RBFOX1: variants seen among roughly 807,000 people sequenced by gnomAD.
The protein encoded by RBFOX1 is RNA binding fox-1 homolog 1.
A neutral mutation model predicts 57.7 loss-of-function variants in RBFOX1; 8 were observed. The ratio of observed to expected loss-of-function variants is 0.14; its 90% CI spans 0.08 to 0.25. RBFOX1 has a LOEUF of 0.25. Among genes scored for constraint, RBFOX1 ranks in the 10% least tolerant of loss-of-function variants. RBFOX1 has a pLI of 1.00. For synonymous variants in RBFOX1, 326 were observed against 222.4 expected, an observed-to-expected ratio of 1.47 and a Z score of -4.15; for missense variants, 611 against 548.5, an observed-to-expected ratio of 1.11 and a Z score of -1.14.
intron 3 of RBFOX1, among the ~76,000 whole-genome samples, chr16:5,663,859 G>C (rs2049743204): frequency 6.6e-6 from 1 of 152,170 alleles, no homozygotes; most frequent in South Asian, 2.1e-4. Context: ...TAAAGTTGGT[G>C]GCTGAAGCTT....
chr16:5,377,302 G>C (rs1295359451), intron 1 of RBFOX1, among the ~76,000 whole-genome samples: 1 of 151,526 alleles, frequency 6.6e-6, no homozygotes, highest in African/African-American at 2.5e-5. Context: ...CGGAGGGGTA[G>C]AGGGAGGAAT....
intron 4 of RBFOX1, among the ~76,000 whole-genome samples, chr16:7,363,757 T>C (rs944443815): frequency 6.6e-6 from 1 of 152,152 alleles, no homozygotes; most frequent in Non-Finnish European, 1.5e-5. Context: ...ATGATTCTTC[T>C]ATAGACGTTT....
In RBFOX1 at chr16:5,338,331, T is replaced by A. The variant is rs927610528; in HGVS notation, c.219+98226T>A. Among the ~76,000 whole-genome samples, 9 of 152,154 alleles carry A rather than the reference T, an allele frequency of 5.9e-5. No individual in the cohort carries two copies. In the South Asian group the frequency reaches 1.9e-3, roughly 31 times the overall value. The stretch of plus-strand genomic sequence containing the variant: ...GATTCTCTCTCCTGGGACTTTATAA[T>A]TGGGAAGTAGAGATGCTTGTTAATC... On this transcript the variant is annotated intron_variant, in intron 1 of 2. Coordinates refer to the RBFOX1 transcript ENST00000585867.
intron 3 of RBFOX1, among the ~76,000 whole-genome samples, chr16:6,726,123 C>G (rs2067112248): frequency 6.6e-6 from 1 of 152,068 alleles, no homozygotes; most frequent in South Asian, 2.1e-4. Flanking sequence ...TACACAGAGC[C>G]AGGAGGGGGC....
chr16:7,319,517 A>G (rs896214795), intron 4 of RBFOX1, among the ~76,000 whole-genome samples: 3 of 152,162 alleles, frequency 2.0e-5, no homozygotes, highest in Non-Finnish European at 1.5e-5. Flanking sequence ...TGGAGACTGT[A>G]CAATCTGTTT....
intron 1 of RBFOX1, among the ~76,000 whole-genome samples, chr16:5,264,368 C>G (rs1019584850): frequency 6.6e-6 from 1 of 152,106 alleles, no homozygotes; most frequent in African/African-American, 2.4e-5. Context: ...AGACTGTGCT[C>G]TGTTCTTGGG....
intron 1 of RBFOX1, among the ~76,000 whole-genome samples, chr16:5,339,577 G>C (rs1418445547): frequency 7.1e-6 from 1 of 140,406 alleles, no homozygotes; most frequent in East Asian, 2.2e-4. Context: ...TCAACTCTCG[G>C]GTTCAGGTGA....
chr16:5,274,752 C>G (rs1243333983), intron 1 of RBFOX1, among the ~76,000 whole-genome samples: 2 of 152,298 alleles, frequency 1.3e-5, no homozygotes, highest in South Asian at 4.1e-4. Context: ...TGCATAGGCA[C>G]CAGGCTTTTT....
chr16:6,963,105 G>A (rs996180730), intron 3 of RBFOX1, among the ~76,000 whole-genome samples: 20 of 152,096 alleles, frequency 1.3e-4, no homozygotes, highest in Admixed American at 1.0e-3. Flanking sequence ...TACTGAGGAA[G>A]TCCGAGATTC....
At chr16:6,297,970 T>C (rs1416016928) in intron 1 of RBFOX1, among the ~76,000 whole-genome samples, 1 of 152,218 alleles carries the variant, frequency 6.6e-6, no homozygotes, top group Non-Finnish European at 1.5e-5. Context: ...ATTCTGTGTG[T>C]GACCCAGTTC....
At chr16:5,489,264 C>T (rs1241935077) in intron 2 of RBFOX1, among the ~76,000 whole-genome samples, 10 of 152,192 alleles carry the variant, frequency 6.6e-5, no homozygotes, top group African/African-American at 2.2e-4. Context: ...CCTGTGCTTA[C>T]ACATGAAGGG....
rs1437886465 is a variant in RBFOX1, at chr16:6,546,430, C to G, written c.-63-108173C>G. ...CCCAAAGTCAGGGTGTCAGCTGGGTCATGCTCCCTCTGAAACCTGTAAGGG... is the reference window on the plus strand; with the variant it reads ...CCCAAAGTCAGGGTGTCAGCTGGGTGATGCTCCCTCTGAAACCTGTAAGGG... On this transcript the variant is annotated intron_variant, in intron 2 of 15. Coordinates refer to ENST00000550418, the MANE Select transcript of RBFOX1 (RefSeq NM_018723.4). Among the ~76,000 whole-genome samples the G allele has an allele frequency of 2.6e-5, 4 of 152,206 alleles. No homozygotes were observed. In the East Asian group the frequency reaches 7.7e-4, roughly 29 times the overall value.
At chr16:7,371,292 C>CT (rs1042490155) in intron 4 of RBFOX1, among the ~76,000 whole-genome samples, 40 of 152,064 alleles carry the variant, frequency 2.6e-4, no homozygotes, top group Admixed American at 1.6e-3. Flanking sequence ...AACCAGTAAA[C>CT]TTTTTTTTCT....
chr16:7,160,589 C>T (rs555802265), intron 4 of RBFOX1, among the ~76,000 whole-genome samples: 2 of 152,068 alleles, frequency 1.3e-5, no homozygotes, highest in Admixed American at 6.5e-5. Context: ...GCTGAAAAGT[C>T]GTAATACAAA....
chr16:6,825,002 T>G (rs2091932599), intron 3 of RBFOX1, among the ~76,000 whole-genome samples: 1 of 118,250 alleles, frequency 8.5e-6, no homozygotes, highest in South Asian at 3.0e-4. Context: ...TTTTTTTTTT[T>G]TTTTTTTTTT....
At chr16:5,846,499 A>T (rs781237970) in intron 3 of RBFOX1, among the ~76,000 whole-genome samples, 13 of 152,150 alleles carry the variant, frequency 8.5e-5, no homozygotes, top group African/African-American at 1.2e-4. Context: ...CAACCCCCCA[A>T]GGAGGAAGAT....
intron 14 of RBFOX1, among the ~76,000 whole-genome samples, chr16:7,702,102 C>G (rs905105970): frequency 2.6e-5 from 4 of 152,112 alleles, no homozygotes; most frequent in South Asian, 4.2e-4. Flanking sequence ...CATAATTACC[C>G]CAACATTTTC....
Position 6,371,424 on chromosome 16 carries a change from G to C in RBFOX1, c.-64+54367G>C, listed in dbSNP as rs564271987. On this transcript the variant is annotated intron_variant, in intron 2 of 15. Coordinates refer to ENST00000550418, the MANE Select transcript of RBFOX1 (RefSeq NM_018723.4). ...TCATGGATTCGTGTTTTTATTCTAT[G>C]AACTACAATCGGTTACTTTCGTTAT... Among the ~76,000 whole-genome samples the C allele has an allele frequency of 1.6e-4, 25 of 152,144 alleles. No individual in the cohort carries two copies. In the South Asian group the frequency reaches 4.2e-3, roughly 25 times the overall value.
chr16:6,739,368 C>G (rs1460098808), intron 3 of RBFOX1, among the ~76,000 whole-genome samples: 2 of 152,042 alleles, frequency 1.3e-5, no homozygotes, highest in African/African-American at 2.4e-5. Flanking sequence ...CATTTGAGAG[C>G]TTAAACCAAT....
Sources: gnomAD v4.1 joint callset for allele counts (sites outside exome capture counted in the v4.1 genomes callset) on GRCh38, gnomAD v4.1.1 for gene constraint, MANE v1.5 for transcripts, NCBI Gene and HGNC (gene_info 2026-07-23, HGNC 2026-07-21) for gene names.